The following VAV3 variants were observed in gnomAD, a reference collection of about 807,000 sequenced individuals.
VAV3 encodes the protein vav guanine nucleotide exchange factor 3, also known as guanine nucleotide exchange factor VAV3.
A neutral mutation model predicts 131.2 loss-of-function variants in VAV3; 94 were observed. The ratio of observed to expected loss-of-function variants is 0.72; its 90% CI spans 0.61 to 0.85. The LOEUF is 0.85. VAV3 is among the 40% of genes least tolerant of loss of function. VAV3 has a pLI of 0.00. For missense variants in VAV3, 939 were observed against 1,002.7 expected, an observed-to-expected ratio of 0.94 and a Z score of 0.86; for synonymous variants, 349 against 342.0, an observed-to-expected ratio of 1.02 and a Z score of -0.22.
At chr1:107,594,852 T>G (rs1354777329) in intron 25 of VAV3, among the ~76,000 whole-genome samples, 3 of 152,218 alleles carry the variant, frequency 2.0e-5, no homozygotes, top group Non-Finnish European at 2.9e-5. Context: ...TCCTAGGCTC[T>G]CTAGAGCTAA....
intron 2 of VAV3, among the ~76,000 whole-genome samples, chr1:107,789,522 A>G (rs1454902159): frequency 6.6e-6 from 1 of 152,200 alleles, no homozygotes; most frequent in Non-Finnish European, 1.5e-5. Flanking sequence ...ATAAAATGAC[A>G]GTCCTTAAAG....
intron 15 of VAV3, among the ~76,000 whole-genome samples, chr1:107,716,994 C>T (rs1661139194): frequency 1.3e-5 from 2 of 152,116 alleles, no homozygotes; most frequent in Admixed American, 1.3e-4. Flanking sequence ...GGAATTTATC[C>T]ATTTCTTCTA....
intron 2 of VAV3, among the ~76,000 whole-genome samples, chr1:107,824,075 G>A (rs763138032): frequency 1.8e-4 from 28 of 152,180 alleles, no homozygotes; most frequent in Non-Finnish European, 3.5e-4. Flanking sequence ...CAAGAAGCAG[G>A]GAGACGTGAA....
chr1:107,806,274 G>A (rs960684908), intron 2 of VAV3, among the ~76,000 whole-genome samples: 2 of 152,072 alleles, frequency 1.3e-5, no homozygotes, highest in Non-Finnish European at 2.9e-5. Flanking sequence ...ATGAGTTGTG[G>A]AACATTTTCC....
intron 1 of VAV3, among the ~76,000 whole-genome samples, chr1:107,927,580 A>G (rs1427536613): frequency 6.6e-6 from 1 of 152,110 alleles, no homozygotes; most frequent in Admixed American, 6.5e-5. Flanking sequence ...CAGGTCAGGT[A>G]GCATTAATGA....
At chr1:107,662,733 G>A (rs1657114756) in intron 19 of VAV3, among the ~76,000 whole-genome samples, 1 of 152,136 alleles carries the variant, frequency 6.6e-6, no homozygotes, top group Non-Finnish European at 1.5e-5. Context: ...AAACGCTAAC[G>A]AAAGCACACT....
At chr1:107,885,429 TA>T (rs558858218) in intron 1 of VAV3, among the ~76,000 whole-genome samples, 45 of 144,582 alleles carry the variant, frequency 3.1e-4, no homozygotes, top group Non-Finnish European at 4.0e-4. Flanking sequence ...TACCAACAGT[TA>T]AAAAAAAAAG....
At chr1:107,952,487 C>CATATATATGTATATATATATATATATAT (rs1173992663) in intron 1 of VAV3, among the ~76,000 whole-genome samples, 3 of 133,458 alleles carry the variant, frequency 2.2e-5, no homozygotes, top group Admixed American at 2.2e-4. Flanking sequence ...TATATATATA[C>CATATATATGTATATATATATATATATAT]ACACATAAAT....
At chr1:107,851,086 C>T (rs1669200215) in intron 2 of VAV3, among the ~76,000 whole-genome samples, 2 of 147,254 alleles carry the variant, frequency 1.4e-5, no homozygotes, top group African/African-American at 5.1e-5. Context: ...GCCACATGAA[C>T]AAAGAAGCCG....
At chr1:107,778,690 C>G (rs1314548184) in intron 3 of VAV3, among the ~76,000 whole-genome samples, 1 of 152,002 alleles carries the variant, frequency 6.6e-6, no homozygotes, top group Non-Finnish European at 1.5e-5. Context: ...CTGTGATGGC[C>G]AGAGACAGAA....
intron 1 of VAV3, among the ~76,000 whole-genome samples, chr1:107,882,698 G>A (rs1354866997): frequency 1.3e-5 from 2 of 152,038 alleles, no homozygotes; most frequent in East Asian, 1.9e-4. Flanking sequence ...TTTAATAAAA[G>A]AATAATTTTT....
chr1:107,948,386 T>C (rs540973010), intron 1 of VAV3, among the ~76,000 whole-genome samples: 2 of 152,342 alleles, frequency 1.3e-5, no homozygotes, highest in South Asian at 4.1e-4. Flanking sequence ...TAGTGTTCTG[T>C]AATGAAAACC....
chr1:107,728,623 ATGT>A (rs1662015367), intron 15 of VAV3, among the ~76,000 whole-genome samples: 1 of 103,432 alleles, frequency 9.7e-6, no homozygotes. Context: ...GTATATGTAT[ATGT>A]ATATGTATAT....
intron 11 of VAV3, among the ~76,000 whole-genome samples, chr1:107,755,820 C>G (rs994399446): frequency 6.6e-6 from 1 of 151,932 alleles, no homozygotes; most frequent in Non-Finnish European, 1.5e-5. Context: ...AAAACTAGGT[C>G]GGAAGAATAG....
At chr1:107,605,471 G>A in intron 22 of VAV3, among the ~76,000 whole-genome samples, 1 of 152,184 alleles carries the variant, frequency 6.6e-6, no homozygotes, top group East Asian at 1.9e-4. Context: ...CTCACCAGAT[G>A]CAGCCCCTCG....
chr1:107,669,004 C>T lies in VAV3; in HGVS notation c.1777+14484G>A, dbSNP rs761350721. 11 of 1,026,652 alleles carry T rather than the reference C, an allele frequency of 1.1e-5. No individual in the cohort carries two copies. The South Asian group carries it at 1.8e-4, about 17-fold the overall frequency. 63.6% of individuals were successfully genotyped at this position (1,026,652 alleles called of 1,614,324 possible). ...GGTTCAGGATTTCTAAGGGAGTCAG[C>T]GCTGACTATACAGAGAAAAATCCCC... is the stretch of plus-strand genomic sequence containing the variant. On this transcript the variant is annotated intron_variant, in intron 19 of 26. Transcript: ENST00000370056.
At chr1:107,762,967 C>T (rs1295077346) in intron 9 of VAV3, among the ~76,000 whole-genome samples, 1 of 152,092 alleles carries the variant, frequency 6.6e-6, no homozygotes, top group Non-Finnish European at 1.5e-5. Context: ...AGAGATTCAT[C>T]GCCCTTCACC....
At chr1:107,749,271 G>C (rs917605598) in intron 14 of VAV3, among the ~76,000 whole-genome samples, 191 bp downstream of exon 14, 9 of 152,028 alleles carry the variant, frequency 5.9e-5, no homozygotes, top group Non-Finnish European at 1.2e-4. Context: ...TGGATCATTA[G>C]GGCATTAGAA....
chr1:107,785,999 A>C (rs963491425), intron 2 of VAV3, among the ~76,000 whole-genome samples: 1 of 152,192 alleles, frequency 6.6e-6, no homozygotes, highest in Non-Finnish European at 1.5e-5. Flanking sequence ...CCAGCAACAC[A>C]TCTTAGGGAT....
Sources: allele counts gnomAD v4.1 joint callset (sites outside exome capture counted in the v4.1 genomes callset), GRCh38; gene constraint gnomAD v4.1.1; transcripts MANE v1.5; gene names NCBI Gene and HGNC (gene_info 2026-07-23, HGNC 2026-07-21).